The following ATP10A variants were observed in gnomAD, a reference collection of about 807,000 sequenced individuals.
ATP10A encodes phospholipid-transporting ATPase VA.
Under a neutral mutation model 147.8 loss-of-function variants are expected in ATP10A, and 111 were observed. The ratio of observed to expected loss-of-function variants is 0.75; its 90% CI spans 0.64 to 0.88. The LOEUF is 0.88. ATP10A is among the 40% of genes least tolerant of loss of function. The pLI is 0.00. For missense variants in ATP10A, 1,927 were observed against 1,959.0 expected (o/e 0.98, Z 0.31); for synonymous variants, 875 against 841.6 (o/e 1.04, Z -0.69).
intron 3 of ATP10A, among the ~76,000 whole-genome samples, chr15:25,733,903 C>T (rs8041940): frequency 0.82 from 125,252 of 151,964 alleles, 51,840 homozygotes; most frequent in Admixed American, 0.89. Context: ...GGAACGCCTG[C>T]TGGCGGCACA....
chr15:25,674,308 A>G (rs1221885900), downstream of ATP10A, among the ~76,000 whole-genome samples: 3 of 152,172 alleles, frequency 2.0e-5, no homozygotes, highest in Non-Finnish European at 4.4e-5. Flanking sequence ...AAGGCCTGAG[A>G]GTGAGTCTTC....
intron 10 of ATP10A, among the ~76,000 whole-genome samples, chr15:25,712,345 G>A (rs1029752188): frequency 8.5e-5 from 13 of 152,120 alleles, no homozygotes; most frequent in Non-Finnish European, 1.5e-4. Flanking sequence ...CAAGTGCTGC[G>A]GCCTTCCTTG....
chr15:25,793,744 C>T (rs953955420), intron 1 of ATP10A, among the ~76,000 whole-genome samples: 2 of 152,206 alleles, frequency 1.3e-5, no homozygotes, highest in South Asian at 2.1e-4. Context: ...CATAACTTCC[C>T]CCAATCCTCC....
intron 1 of ATP10A, among the ~76,000 whole-genome samples, chr15:25,801,253 T>C (rs1890923763): frequency 6.6e-6 from 1 of 152,060 alleles, no homozygotes; most frequent in African/African-American, 2.4e-5. Flanking sequence ...GATGCAGGTG[T>C]CCAGGGGCCC....
chr15:25,793,542 C>T (rs984294982), intron 1 of ATP10A, among the ~76,000 whole-genome samples: 1 of 152,224 alleles, frequency 6.6e-6, no homozygotes, highest in Non-Finnish European at 1.5e-5. Flanking sequence ...GGCCACAGGT[C>T]TTCCCCAGCA....
At chr15:25,825,844 G>GA (rs1451665227) in intron 1 of ATP10A, among the ~76,000 whole-genome samples, 1 of 152,002 alleles carries the variant, frequency 6.6e-6, no homozygotes, top group Non-Finnish European at 1.5e-5. Flanking sequence ...ATGCACACAG[G>GA]AAAAATTGTC....
intron 1 of ATP10A, among the ~76,000 whole-genome samples, chr15:25,830,138 G>T (rs556095929): frequency 6.6e-6 from 1 of 152,142 alleles, no homozygotes; most frequent in East Asian, 1.9e-4. Context: ...GAGCCACGGA[G>T]AGGAGGAGGC....
intron 2 of ATP10A, among the ~76,000 whole-genome samples, chr15:25,764,787 T>C (rs1401036117): frequency 5.3e-5 from 8 of 152,198 alleles, no homozygotes; most frequent in Admixed American, 5.2e-4. Flanking sequence ...GGGTTATCAC[T>C]CAGCCTATGA....
chr15:25,709,203 A>C (rs960019720), intron 10 of ATP10A: 1 of 152,244 alleles, frequency 6.6e-6, no homozygotes, highest in Admixed American at 6.5e-5. Context: ...AGGAGGGGAC[A>C]ATTGAAAAAG....
At chr15:25,775,846 G>A (rs1193063794) in intron 2 of ATP10A, among the ~76,000 whole-genome samples, 2 of 152,222 alleles carry the variant, frequency 1.3e-5, no homozygotes, top group Non-Finnish European at 2.9e-5. Flanking sequence ...CTCTCCAGCT[G>A]TTCTCAAGCA....
At chr15:25,739,929 C>T (rs1887491209) in intron 2 of ATP10A, among the ~76,000 whole-genome samples, 1 of 152,194 alleles carries the variant, frequency 6.6e-6, no homozygotes, top group Non-Finnish European at 1.5e-5. Flanking sequence ...ACCGCAGCAG[C>T]AGGTGCTCCA....
rs532274884 is a variant in ATP10A at position 25,761,260 on chromosome 15, C to T, written c.654+19759G>A. Among the ~76,000 whole-genome samples the T allele has an allele frequency of 5.0e-4, 76 of 152,264 alleles. 1 individual carries two copies. Among genetic ancestry groups the T allele is most frequent in the African/African-American group, 1.3e-3 (56 of 41,564 alleles). On this transcript the variant is annotated intron_variant, in intron 2 of 20. Coordinates refer to ENST00000555815, the MANE Select transcript of ATP10A (RefSeq NM_024490.4). ...GACTGAAAGAAGATCAGTGGTTGTC[C>T]GGGGCCACTCTCAGTACCAATTTAC...
At chr15:25,864,814 T>A (rs1893918013), upstream of ATP10A, among the ~76,000 whole-genome samples, 1 of 152,160 alleles carries the variant, frequency 6.6e-6, no homozygotes, top group Non-Finnish European at 1.5e-5. Context: ...TCACATCCCA[T>A]GGCTCCGTGT....
chr15:25,798,465 C>G (rs750581891), intron 1 of ATP10A, among the ~76,000 whole-genome samples: 15 of 152,168 alleles, frequency 9.9e-5, no homozygotes, highest in South Asian at 2.1e-4. Flanking sequence ...CCACGCAAGT[C>G]CATTTGTCAT....
chr15:25,677,695 A>T (rs188407314), downstream of ATP10A: 3 of 152,442 alleles, frequency 2.0e-5, no homozygotes, highest in Admixed American at 2.0e-4. Context: ...TTCGGTCCGA[A>T]ATCACTGGCT....
At chr15:25,861,307 C>A (rs777282859) in intron 1 of ATP10A, among the ~76,000 whole-genome samples, 4 of 152,154 alleles carry the variant, frequency 2.6e-5, no homozygotes, top group Non-Finnish European at 5.9e-5. Flanking sequence ...GTTTCAGAAG[C>A]ACGAGCAAAG....
At chr15:25,685,716 C>G (rs900313076) in intron 16 of ATP10A, among the ~76,000 whole-genome samples, 22 of 151,800 alleles carry the variant, frequency 1.4e-4, no homozygotes, top group African/African-American at 5.3e-4. Context: ...CCCAGCTACT[C>G]AGGAGGCTGA....
At chr15:25,730,123 T>C (rs1902871732) in intron 3 of ATP10A, among the ~76,000 whole-genome samples, 2 of 145,468 alleles carry the variant, frequency 1.4e-5, no homozygotes, top group Admixed American at 6.8e-5. Context: ...AAACCCCGTC[T>C]CTACTAAAAA....
chr15:25,773,159 G>A (rs1596858415), intron 2 of ATP10A, among the ~76,000 whole-genome samples: 1 of 152,122 alleles, frequency 6.6e-6, no homozygotes, highest in South Asian at 2.1e-4. Context: ...ATATGAAACT[G>A]CAAATGTGTT....
Sources: gnomAD v4.1 joint callset for allele counts (sites outside exome capture counted in the v4.1 genomes callset) on GRCh38, gnomAD v4.1.1 for gene constraint, MANE v1.5 for transcripts, NCBI Gene and HGNC (gene_info 2026-07-23, HGNC 2026-07-21) for gene names.